The following PDSS2 variants were observed in gnomAD, a reference collection of about 807,000 sequenced individuals.
The protein encoded by PDSS2 is decaprenyl diphosphate synthase subunit 2, also known as all trans-polyprenyl-diphosphate synthase PDSS2.
Under a neutral mutation model 44.5 loss-of-function variants are expected in PDSS2, and 31 were observed. The observed-to-expected ratio is 0.70, with a 90% CI of 0.52 to 0.94. The LOEUF (loss-of-function observed/expected upper bound fraction) is 0.94. Ranked by LOEUF, PDSS2 falls within the 40% of genes least tolerant of loss-of-function variation. The pLI is 0.00. For synonymous variants in PDSS2, 157 were observed against 180.3 expected (o/e 0.87, Z 1.03); for missense variants, 452 against 482.2 (o/e 0.94, Z 0.59).
At chr6:107,259,674 C>CA (rs200907014) in intron 3 of PDSS2, among the ~76,000 whole-genome samples, 30,911 of 123,950 alleles carry the variant, frequency 0.25, 3,902 homozygotes, top group Admixed American at 0.33. Flanking sequence ...GACTCTGTCT[C>CA]AAAAAAAAAA....
At chr6:107,438,448 G>C (rs911612788) in intron 1 of PDSS2, among the ~76,000 whole-genome samples, 4 of 152,074 alleles carry the variant, frequency 2.6e-5, no homozygotes, top group Non-Finnish European at 5.9e-5. Flanking sequence ...CTCTTGATCT[G>C]AAGCAATCTA....
At chr6:107,211,978 G>T in intron 5 of PDSS2, 131 bp downstream of exon 5, 1 of 774,182 alleles carries the variant, frequency 1.3e-6, no homozygotes, top group Non-Finnish European at 2.3e-6. Flanking sequence ...CAATCATCCA[G>T]GACTGACAGA....
intron 4 of PDSS2, among the ~76,000 whole-genome samples, chr6:107,218,919 C>G (rs2114668888): frequency 6.6e-6 from 1 of 151,900 alleles, no homozygotes; most frequent in East Asian, 1.9e-4. Context: ...TTAGCTGGGC[C>G]TGGTGGTGGG....
At chr6:107,240,772 AT>A (rs1774397344) in intron 4 of PDSS2, among the ~76,000 whole-genome samples, 1 of 152,182 alleles carries the variant, frequency 6.6e-6, no homozygotes, top group African/African-American at 2.4e-5. Context: ...TCTTTCTTCA[AT>A]GAGCTAACAT....
chr6:107,266,251 A>T (rs879459208), intron 3 of PDSS2, among the ~76,000 whole-genome samples: 1 of 152,200 alleles, frequency 6.6e-6, no homozygotes. Context: ...CTCAGTTTAA[A>T]ATACTGTTCA....
Position 107,212,153 on chromosome 6 carries a change from T to G in PDSS2, c.832A>C (p.Asn278His), listed in dbSNP as rs778633324. ...ELAKHDAEVQNMAFQYGKHMA... is the reference protein window; with the variant it reads ...ELAKHDAEVQHMAFQYGKHMA... ...TGCTTCCCATACTGAAATGCCATATTCTGAACCTCAGCATCATGCTTTGCT... is the reference window on the plus strand; with the variant it reads ...TGCTTCCCATACTGAAATGCCATATGCTGAACCTCAGCATCATGCTTTGCT... The change falls in exon 5 of 8, where the codon AAT becomes CAT. Residue 278 changes from asparagine (N) to histidine (H), a missense_variant. Asn to His is a moderately conservative substitution (Grantham distance 68). Coordinates refer to ENST00000369037, the MANE Select transcript of PDSS2 (RefSeq NM_020381.4). 1 of 1,614,170 alleles carries G rather than the reference T, an allele frequency of 6.2e-7. No individual in the cohort carries two copies. Among genetic ancestry groups the G allele is most frequent in the Admixed American group, 1.7e-5 (1 of 60,028 alleles).
chr6:107,376,119 A>G (rs2114424050), intron 1 of PDSS2, among the ~76,000 whole-genome samples: 1 of 152,240 alleles, frequency 6.6e-6, no homozygotes, highest in East Asian at 1.9e-4. Context: ...CCATTGATTT[A>G]TATTTCTGTT....
At chr6:107,184,030 A>T (rs1167890975) in intron 7 of PDSS2, among the ~76,000 whole-genome samples, 1 of 152,084 alleles carries the variant, frequency 6.6e-6, no homozygotes, top group Non-Finnish European at 1.5e-5. Context: ...AAAGCAAAGA[A>T]AAAATACATC....
intron 2 of PDSS2, among the ~76,000 whole-genome samples, chr6:107,333,346 T>C (rs892249835): frequency 5.9e-5 from 9 of 152,206 alleles, no homozygotes; most frequent in Non-Finnish European, 1.2e-4. Context: ...CCAGTGATTT[T>C]TTTAAACAAA....
chr6:107,314,952 T>A (rs958715554), intron 2 of PDSS2, among the ~76,000 whole-genome samples: 14 of 152,318 alleles, frequency 9.2e-5, no homozygotes, highest in African/African-American at 3.1e-4. Context: ...AAACTATTTT[T>A]AAAATAACAC....
chr6:107,173,653 TTTC>T (rs1771688536), intron 7 of PDSS2, among the ~76,000 whole-genome samples: 1 of 151,102 alleles, frequency 6.6e-6, no homozygotes, highest in South Asian at 2.1e-4. Flanking sequence ...TAATGCTTGG[TTTC>T]TTCTTCTTAT....
intron 2 of PDSS2, among the ~76,000 whole-genome samples, chr6:107,310,562 G>A (rs781601542): frequency 1.5e-4 from 23 of 152,068 alleles, no homozygotes; most frequent in Non-Finnish European, 2.1e-4. Context: ...CCCATTCAGC[G>A]TCCAAAGAGA....
At chr6:107,300,784 TAC>T (rs992915484) in intron 2 of PDSS2, among the ~76,000 whole-genome samples, 12 of 152,136 alleles carry the variant, frequency 7.9e-5, no homozygotes, top group African/African-American at 2.9e-4. Flanking sequence ...AGCGTATGTA[TAC>T]ACACACACAC....
At chr6:107,349,184 G>A (rs1233916211) in intron 1 of PDSS2, among the ~76,000 whole-genome samples, 2 of 152,292 alleles carry the variant, frequency 1.3e-5, no homozygotes, top group African/African-American at 4.8e-5. Flanking sequence ...TGTAATTCCA[G>A]CGCTTTGGGA....
At chr6:107,201,390 C>CAAAAAAAAAAAAAAAA (rs747612959) in intron 6 of PDSS2, among the ~76,000 whole-genome samples, 2 of 52,158 alleles carry the variant, frequency 3.8e-5, no homozygotes, top group Non-Finnish European at 6.2e-5. Flanking sequence ...CATACAAAAG[C>CAAAAAAAAAAAAAAAA]AAAAAAAAAA....
At chr6:107,325,386 C>A (rs1777505904) in intron 2 of PDSS2, among the ~76,000 whole-genome samples, 1 of 152,042 alleles carries the variant, frequency 6.6e-6, no homozygotes, top group Non-Finnish European at 1.5e-5. Flanking sequence ...TCATGGTAAG[C>A]CAGGGACTAC....
chr6:107,366,298 T>A (rs1431626950), intron 1 of PDSS2, among the ~76,000 whole-genome samples: 1 of 151,984 alleles, frequency 6.6e-6, no homozygotes, highest in Non-Finnish European at 1.5e-5. Flanking sequence ...AAAGACGAAA[T>A]CATTTAAAAA....
intron 1 of PDSS2, among the ~76,000 whole-genome samples, chr6:107,339,931 AAAC>A: frequency 6.6e-6 from 1 of 152,302 alleles, no homozygotes; most frequent in South Asian, 2.1e-4. Flanking sequence ...TCAGAAAACA[AAAC>A]AAAACAAAAT....
intron 1 of PDSS2, among the ~76,000 whole-genome samples, chr6:107,451,726 CTTTG>C (rs1403449622): frequency 6.6e-6 from 1 of 152,170 alleles, no homozygotes; most frequent in African/African-American, 2.4e-5. Flanking sequence ...CCACCTGCTT[CTTTG>C]TTTGATCACC....
Sources: gnomAD v4.1 joint callset for allele counts (sites outside exome capture counted in the v4.1 genomes callset) on GRCh38, gnomAD v4.1.1 for gene constraint, MANE v1.5 for transcripts, NCBI Gene and HGNC (gene_info 2026-07-23, HGNC 2026-07-21) for gene names.